The following MYO5A variants were observed in gnomAD, a reference collection of about 807,000 sequenced individuals.
MYO5A encodes the protein unconventional myosin-Va.
Under a neutral mutation model 249.7 loss-of-function variants are expected in MYO5A, and 98 were observed. The ratio of observed to expected loss-of-function variants is 0.39; its 90% confidence interval spans 0.33 to 0.46. The LOEUF is 0.46. Among genes scored for constraint, MYO5A ranks in the 20% least tolerant of loss-of-function variants. The probability of loss-of-function intolerance (pLI) is 0.98; values close to 1 mark genes in which losing one functional copy is unlikely to be tolerated. For synonymous variants in MYO5A, 778 were observed against 810.6 expected, an observed-to-expected ratio of 0.96 and a Z score of 0.68; for missense variants, 1,696 against 2,308.8, an observed-to-expected ratio of 0.73 and a Z score of 5.44.
At chr15:52,517,962 C>A (rs1325863193) in intron 1 of MYO5A, among the ~76,000 whole-genome samples, 3 of 151,864 alleles carry the variant, frequency 2.0e-5, no homozygotes, top group Non-Finnish European at 2.9e-5. Flanking sequence ...ATCACTTCTA[C>A]AAGCAGAAAA....
At chr15:52,363,650 T>C (rs1311914687) in intron 24 of MYO5A, among the ~76,000 whole-genome samples, 1 of 152,198 alleles carries the variant, frequency 6.6e-6, no homozygotes, top group Non-Finnish European at 1.5e-5. Context: ...TGGCTTTTTA[T>C]GAGATATTTC....
intron 1 of MYO5A, among the ~76,000 whole-genome samples, chr15:52,446,831 G>A (rs1196106922): frequency 6.6e-6 from 1 of 152,184 alleles, no homozygotes; most frequent in African/African-American, 2.4e-5. Flanking sequence ...GCCCTGCTAG[G>A]TTTCAAACTT....
intron 1 of MYO5A, among the ~76,000 whole-genome samples, chr15:52,502,918 C>G (rs2077187304): frequency 6.6e-6 from 1 of 152,206 alleles, no homozygotes; most frequent in East Asian, 1.9e-4. Context: ...GTGAAATAAG[C>G]CAGGCACAGA....
intron 18 of MYO5A, among the ~76,000 whole-genome samples, chr15:52,377,996 T>C (rs2041513406): frequency 6.6e-6 from 1 of 152,188 alleles, no homozygotes; most frequent in African/African-American, 2.4e-5. Context: ...AAATCTACAA[T>C]TATTTCAATT....
In MYO5A at chr15:52,319,350, A is replaced by G. The variant is rs1437892361; in HGVS notation, c.4952-8T>C. The stretch of plus-strand genomic sequence containing the variant: ...GTTCCAGCATGCCTGAGACTGCAGG[A>G]GTATTTCAATTGTTAGAGGAGATGA... On this transcript the variant is annotated splice_region_variant and splice_polypyrimidine_tract_variant and intron_variant, in intron 38 of 41. Transcript: ENST00000399233. 7.4e-6 allele frequency: 12 copies of G among 1,613,720 alleles called. No homozygotes were observed. The Admixed American group carries it at 2.0e-4, about 27-fold the overall frequency.
At chr15:52,459,895 C>A (rs565994128) in intron 1 of MYO5A, among the ~76,000 whole-genome samples, 1 of 147,000 alleles carries the variant, frequency 6.8e-6, no homozygotes, top group Non-Finnish European at 1.5e-5. Flanking sequence ...CCAGACGGGG[C>A]GGTTGCCGGG....
chr15:52,429,293 C>T (rs2075466240), intron 2 of MYO5A, among the ~76,000 whole-genome samples: 1 of 152,192 alleles, frequency 6.6e-6, no homozygotes, highest in African/African-American at 2.4e-5. Context: ...GTGGCTCACA[C>T]CTGTAATCCC....
chr15:52,337,142 G>A (rs1414321081), intron 33 of MYO5A, among the ~76,000 whole-genome samples: 4 of 152,196 alleles, frequency 2.6e-5, no homozygotes, highest in Non-Finnish European at 5.9e-5. Flanking sequence ...AAAGTGGCAA[G>A]TGGCATAAGG....
At chr15:52,421,913 C>T (rs1203983651) in intron 4 of MYO5A, among the ~76,000 whole-genome samples, 3 of 152,094 alleles carry the variant, frequency 2.0e-5, no homozygotes, top group African/African-American at 4.8e-5. Flanking sequence ...TTGCATATAA[C>T]TTATTTCAAG....
At chr15:52,341,861 CTG>C (rs1486532422) in intron 31 of MYO5A, among the ~76,000 whole-genome samples, 1 of 152,156 alleles carries the variant, frequency 6.6e-6, no homozygotes, top group Admixed American at 6.5e-5. Context: ...AGATGAATGT[CTG>C]TGTTAGAAAG....
chr15:52,417,536 A>G lies in MYO5A; in HGVS notation c.456-1235T>C, dbSNP rs539963588. On this transcript the variant is annotated intron_variant, in intron 4 of 41. Coordinates refer to ENST00000399233, the MANE Select transcript of MYO5A (RefSeq NM_001382347.1). ...CATGATCTGTATCCTCATGTGGTTG[A>G]CGGATGTTGTGGTTTGAATGTTCTC... Among the ~76,000 whole-genome samples, 16 of 152,212 alleles carry G rather than the reference A, an allele frequency of 1.1e-4. No individual in the cohort carries two copies. The South Asian group carries it at 1.7e-3, about 16-fold the overall frequency.
At chr15:52,419,510 A>C (rs186175913) in intron 4 of MYO5A, among the ~76,000 whole-genome samples, 1 of 152,354 alleles carries the variant, frequency 6.6e-6, no homozygotes, top group East Asian at 1.9e-4. Context: ...TCTCAATAAG[A>C]AAATGCTTAA....
chr15:52,317,368 G>A, intron 39 of MYO5A, 146 bp from the exon 40 acceptor site: 1 of 752,040 alleles, frequency 1.3e-6, no homozygotes, highest in South Asian at 1.7e-5. Flanking sequence ...CATCAGCTGT[G>A]CTTAAAAATT....
At chr15:52,499,350 AACCTTT>A (rs2141574742) in intron 1 of MYO5A, among the ~76,000 whole-genome samples, 1 of 152,264 alleles carries the variant, frequency 6.6e-6, no homozygotes, top group South Asian at 2.1e-4. Flanking sequence ...ACATATTTAC[AACCTTT>A]ATCATTTTTA....
At chr15:52,374,891 T>C (rs531699044) in intron 20 of MYO5A, among the ~76,000 whole-genome samples, 254 of 148,000 alleles carry the variant, frequency 1.7e-3, no homozygotes, top group African/African-American at 6.1e-3. Context: ...ACTTTTTTTT[T>C]CAAATTATAT....
At chr15:52,467,350 C>T (rs2076373399) in intron 1 of MYO5A, among the ~76,000 whole-genome samples, 1 of 152,078 alleles carries the variant, frequency 6.6e-6, no homozygotes, top group Non-Finnish European at 1.5e-5. Flanking sequence ...AACAGAAATT[C>T]TGGGTCTGAA....
In MYO5A at chr15:52,528,816, C is replaced by G. The variant is rs1458898693; in HGVS notation, c.-10G>C. 3.4e-6 allele frequency: 5 copies of G among 1,486,564 alleles called. No homozygotes were observed. Among genetic ancestry groups the G allele is most frequent in the Middle Eastern group, 2.3e-4 (1 of 4,440 alleles). The allele number at this position is 1,486,564 out of a possible 1,614,324, so 92.1% of individuals were successfully genotyped here. A position where few individuals can be genotyped will look rare whatever the true frequency, so the allele number is the denominator to read the frequency against. On this transcript the variant is annotated 5_prime_UTR_variant, in exon 1 of 42. Transcript: ENST00000399233. ...GCTCCGACGCAGCCATGGCGGGCCC[C>G]GCGCGCCTACGCCCCCCGCCTGTGC...
chr15:52,366,574 G>GA (rs1555434596), intron 23 of MYO5A, among the ~76,000 whole-genome samples: 1 of 113,192 alleles, frequency 8.8e-6, no homozygotes, highest in Non-Finnish European at 1.8e-5. Flanking sequence ...AAAAATTAGT[G>GA]TTTTTTTAGA....
chr15:52,354,947 T>C (rs2040142309), intron 25 of MYO5A, among the ~76,000 whole-genome samples: 2 of 151,460 alleles, frequency 1.3e-5, no homozygotes. Context: ...GGACAGAAAA[T>C]ATATCTTGTT....
Sources: allele counts gnomAD v4.1 joint callset (sites outside exome capture counted in the v4.1 genomes callset), GRCh38; gene constraint gnomAD v4.1.1; transcripts MANE v1.5; gene names NCBI Gene and HGNC (gene_info 2026-07-23, HGNC 2026-07-21).